The following PACRG variants were observed in gnomAD, a reference collection of about 807,000 sequenced individuals.
PACRG encodes the protein parkin coregulated.
PACRG carries 29 observed loss-of-function variants against 29.7 expected under a neutral mutation model. That is an observed-to-expected ratio of 0.98 (90% CI 0.73 to 1.33). The LOEUF (loss-of-function observed/expected upper bound fraction) is 1.33, where lower values mean the gene tolerates loss of function less well. Among genes scored for constraint, PACRG ranks in the 40% most tolerant of loss-of-function variants. PACRG has a pLI of 0.00. For synonymous variants in PACRG, 116 were observed against 118.7 expected, an observed-to-expected ratio of 0.98 and a Z score of 0.15; for missense variants, 279 against 316.2, an observed-to-expected ratio of 0.88 and a Z score of 0.89.
intron 4 of PACRG, among the ~76,000 whole-genome samples, chr6:163,201,146 G>GA (rs34492004): frequency 0.32 from 49,152 of 152,120 alleles, 8,211 homozygotes; most frequent in East Asian, 0.49. Context: ...GAAACATAGG[G>GA]AAAAAATATT....
At chr6:163,208,824 A>G (rs963783299) in intron 4 of PACRG, among the ~76,000 whole-genome samples, 1 of 152,246 alleles carries the variant, frequency 6.6e-6, no homozygotes, top group Admixed American at 6.5e-5. Flanking sequence ...AACAAGAGAA[A>G]AAGAAAACAA....
chr6:162,864,402 A>G (rs1179552972), intron 2 of PACRG, among the ~76,000 whole-genome samples: 1 of 152,068 alleles, frequency 6.6e-6, no homozygotes, highest in Non-Finnish European at 1.5e-5. Flanking sequence ...ATGACCTACT[A>G]TGTGCCAGGC....
chr6:162,835,628 G>T (rs145599321), intron 2 of PACRG, among the ~76,000 whole-genome samples: 9 of 152,054 alleles, frequency 5.9e-5, no homozygotes, highest in Non-Finnish European at 1.2e-4. Flanking sequence ...ATGAAAAACC[G>T]AAGGGTTTGT....
chr6:162,734,495 T>G (rs900738861), intron 1 of PACRG, among the ~76,000 whole-genome samples: 2 of 130,200 alleles, frequency 1.5e-5, no homozygotes, highest in African/African-American at 3.5e-5. Context: ...TCCTATCCAA[T>G]TTAAATAATA....
At chr6:162,796,828 A>T (rs1785421992) in intron 1 of PACRG, among the ~76,000 whole-genome samples, 1 of 152,208 alleles carries the variant, frequency 6.6e-6, no homozygotes, top group African/African-American at 2.4e-5. Context: ...GCCAATGCTA[A>T]ATGATGAGTT....
intron 4 of PACRG, among the ~76,000 whole-genome samples, chr6:163,106,817 G>A (rs781298693): frequency 1.3e-5 from 2 of 152,146 alleles, no homozygotes; most frequent in African/African-American, 4.8e-5. Context: ...ATTTGTGCAC[G>A]GAAGTCCTCA....
chr6:163,263,530 A>G (rs1395025885), intron 4 of PACRG, among the ~76,000 whole-genome samples: 3 of 152,172 alleles, frequency 2.0e-5, no homozygotes, highest in Non-Finnish European at 4.4e-5. Context: ...CCTCTTCTCA[A>G]TCACAAAAGC....
intron 4 of PACRG, among the ~76,000 whole-genome samples, chr6:163,304,040 T>TAAAAAAAAAAA (rs1554245110): frequency 8.0e-5 from 9 of 111,956 alleles, no homozygotes; most frequent in Non-Finnish European, 9.1e-5. Context: ...AAAAAAAAAG[T>TAAAAAAAAAAA]AAATGGGATA....
chr6:163,197,434 C>CTTTTTTTTTTTTTT (rs57942658), intron 4 of PACRG, among the ~76,000 whole-genome samples: 4 of 106,240 alleles, frequency 3.8e-5, no homozygotes, highest in Admixed American at 1.0e-4. Flanking sequence ...CTTTTCTTTT[C>CTTTTTTTTTTTTTT]TTTTTTTTTT....
chr6:163,177,670 G>A (rs901995139), intron 4 of PACRG, among the ~76,000 whole-genome samples: 10 of 142,388 alleles, frequency 7.0e-5, no homozygotes, highest in East Asian at 4.4e-4. Context: ...ATAATGGAAG[G>A]AGAGACTAAA....
At chr6:162,731,833 C>T (rs1779793657) in intron 1 of PACRG, among the ~76,000 whole-genome samples, 1 of 151,980 alleles carries the variant, frequency 6.6e-6, no homozygotes, top group Non-Finnish European at 1.5e-5. Flanking sequence ...GTAACACTGA[C>T]CAAATAACAA....
At chr6:163,060,364 T>C (rs1218530479) in intron 2 of PACRG, among the ~76,000 whole-genome samples, 1 of 152,152 alleles carries the variant, frequency 6.6e-6, no homozygotes, top group African/African-American at 2.4e-5. Context: ...CATAAAAACA[T>C]TGGGCCTTTA....
intron 4 of PACRG, among the ~76,000 whole-genome samples, chr6:163,140,923 G>A (rs191532364): frequency 3.1e-4 from 47 of 152,280 alleles, no homozygotes; most frequent in South Asian, 1.2e-3. Context: ...GGAGGTTAAC[G>A]GCATCATGAT....
At chr6:162,936,130 G>A (rs141036000) in intron 2 of PACRG, among the ~76,000 whole-genome samples, 1 of 152,110 alleles carries the variant, frequency 6.6e-6, no homozygotes, top group Non-Finnish European at 1.5e-5. Context: ...AGCTAAAGGG[G>A]TTTCCCCTTA....
chr6:163,235,736 G>A (rs1562331115), intron 4 of PACRG, among the ~76,000 whole-genome samples: 2 of 152,048 alleles, frequency 1.3e-5, no homozygotes, highest in Admixed American at 1.3e-4. Context: ...ATATTATAGG[G>A]ATTTGTTTTT....
chr6:162,933,761 T>C (rs1411765662), intron 2 of PACRG, among the ~76,000 whole-genome samples: 1 of 151,848 alleles, frequency 6.6e-6, no homozygotes, highest in Non-Finnish European at 1.5e-5. Context: ...TGGGTAATTT[T>C]GGGGAAAAAA....
At chr6:163,197,237 T>TAATC (rs1202129812) in intron 4 of PACRG, among the ~76,000 whole-genome samples, 1 of 152,146 alleles carries the variant, frequency 6.6e-6, no homozygotes, top group African/African-American at 2.4e-5. Flanking sequence ...CCGTTAGTAG[T>TAATC]AATCACAGCT....
At chr6:162,727,862 T>G (rs1779388034), upstream of PACRG, 3 of 607,766 alleles carry the variant, frequency 4.9e-6, no homozygotes, top group African/African-American at 5.7e-5. Context: ...AACGCGTAGT[T>G]TCTCCTCACG....
chr6:162,814,413 C>A, intron 2 of PACRG, 132 bp downstream of exon 2: 1 of 1,191,740 alleles, frequency 8.4e-7, no homozygotes, highest in Non-Finnish European at 1.2e-6. Context: ...TGGGAAAGCT[C>A]TTAGAGAAAG....
Sources: allele counts gnomAD v4.1 joint callset (sites outside exome capture counted in the v4.1 genomes callset), GRCh38; gene constraint gnomAD v4.1.1; transcripts MANE v1.5; gene names NCBI Gene and HGNC (gene_info 2026-07-23, HGNC 2026-07-21).